Variants in BAHD1 observed in about 807,000 individuals in gnomAD.
The protein encoded by BAHD1 is bromo adjacent homology domain containing 1.
BAHD1 carries 20 observed loss-of-function variants against 63.1 expected under a neutral mutation model. The observed-to-expected ratio is 0.32, with a 90% CI of 0.22 to 0.46. BAHD1 has a LOEUF of 0.46. BAHD1 is among the 20% of genes least tolerant of loss of function. The probability of loss-of-function intolerance (pLI) is 1.00; values close to 1 mark genes in which losing one functional copy is unlikely to be tolerated. For synonymous variants in BAHD1, 408 were observed against 426.8 expected (o/e 0.96, Z 0.54); for missense variants, 939 against 1,071.8 (o/e 0.88, Z 1.73).
At chr15:40,453,629 G>A (rs1476153688) in intron 1 of BAHD1, 1 of 152,122 alleles carries the variant, frequency 6.6e-6, no homozygotes, top group African/African-American at 2.4e-5. Flanking sequence ...CCTTATCTAA[G>A]GCTCCCCTGA....
At chr15:40,449,653 T>C (rs1480160445) in intron 1 of BAHD1, among the ~76,000 whole-genome samples, 2 of 150,838 alleles carry the variant, frequency 1.3e-5, no homozygotes, top group African/African-American at 4.9e-5. Flanking sequence ...AAAAATAAAT[T>C]TAAAAATTAG....
chr15:40,459,493 T>A lies in BAHD1; in HGVS notation c.1029T>A (p.His343Gln). 3 of 1,613,880 alleles carry A rather than the reference T, an allele frequency of 1.9e-6. No homozygotes were observed. The highest frequency in any genetic ancestry group is 2.5e-6 in the Non-Finnish European group (3 of 1,179,992). The change falls in exon 2 of 7, where the codon CAT becomes CAA. Residue 343 changes from histidine to glutamine, a missense_variant. His to Gln is a conservative substitution (Grantham distance 24). Transcript: ENST00000416165. Reference sequence around the variant, plus strand: ...CACCTGCCCCTAAGCAGGAACTGCATCAGCCCTCTTTCCCCACACCTCAGC... The same window carrying A: ...CACCTGCCCCTAAGCAGGAACTGCAACAGCCCTCTTTCCCCACACCTCAGC... ...EESPAPKQEL[H>Q]QPSFPTPQLS...
At chr15:40,442,872 G>C (rs1055876268) in intron 1 of BAHD1, among the ~76,000 whole-genome samples, 27 of 152,156 alleles carry the variant, frequency 1.8e-4, no homozygotes, top group African/African-American at 6.5e-4. Flanking sequence ...AAAGGGCCCA[G>C]AGGGACCACA....
intron 1 of BAHD1, among the ~76,000 whole-genome samples, chr15:40,447,215 T>C (rs1893563742): frequency 6.6e-6 from 1 of 152,134 alleles, no homozygotes; most frequent in Non-Finnish European, 1.5e-5. Flanking sequence ...GTGAGGGGTG[T>C]CTCCTGCTTT....
upstream of BAHD1, among the ~76,000 whole-genome samples, chr15:40,438,319 C>G (rs887604379): frequency 2.6e-5 from 4 of 152,148 alleles, no homozygotes; most frequent in Admixed American, 6.5e-5. Flanking sequence ...CTAGGAGAGG[C>G]CAAAAGTTCC....
In BAHD1 at chr15:40,466,259, G is replaced by A; in HGVS notation, c.*129G>A. The A allele has an allele frequency of 1.2e-6, 1 of 826,080 alleles. No homozygotes were observed. Among genetic ancestry groups the A allele is most frequent in the Non-Finnish European group, 1.8e-6 (1 of 560,834 alleles). 51.2% of individuals were successfully genotyped at this position (826,080 alleles called of 1,614,324 possible). ...TTTGCTGGCCTGTGGTTTTCTTGGG[G>A]GGGAGGGCAGGGGCCCCTGTGGGTT... On this transcript the variant is annotated 3_prime_UTR_variant, in exon 7 of 7. Transcript: ENST00000416165.
At chr15:40,441,749 C>T (rs999775149) in intron 1 of BAHD1, among the ~76,000 whole-genome samples, 4 of 150,030 alleles carry the variant, frequency 2.7e-5, no homozygotes, top group African/African-American at 9.7e-5. Context: ...TCGCGGTCCC[C>T]GAGGCAAGGG....
chr15:40,457,437 C>T (rs554108463), intron 1 of BAHD1, among the ~76,000 whole-genome samples: 1 of 152,156 alleles, frequency 6.6e-6, no homozygotes, highest in East Asian at 1.9e-4. Context: ...ACCTCTCCAC[C>T]ATGGGCCCCT....
At position 40,458,362 on chromosome 15, in the gene BAHD1, C is replaced by G; in HGVS notation, c.-14-89C>G. 6.7e-7 allele frequency: 1 copy of G among 1,488,362 alleles called. No individual in the cohort carries two copies. The highest frequency in any genetic ancestry group is 8.9e-7 in the Non-Finnish European group (1 of 1,118,114). The allele number at this position is 1,488,362 out of a possible 1,614,324, so 92.2% of individuals were successfully genotyped here. A position where few individuals can be genotyped will look rare whatever the true frequency, so the allele number is the denominator to read the frequency against. The stretch of plus-strand genomic sequence containing the variant: ...GTAGTTGTAGGCCAGGATCACTGCA[C>G]CTGGGGCTGGGTAGGCTGCAGTGGG... On this transcript the variant is annotated intron_variant, in intron 1 of 6. Coordinates refer to ENST00000416165, the MANE Select transcript of BAHD1 (RefSeq NM_014952.5). This position sits in a 1 kb window ranked among gnomAD's most constrained non-coding sequence, Gnocchi z 4.7.
chr15:40,462,224 G>C lies in BAHD1; in HGVS notation c.1745G>C (p.Arg582Pro). 6.2e-7 allele frequency: 1 copy of C among 1,611,260 alleles called. No homozygotes were observed. Among genetic ancestry groups the C allele is most frequent in the South Asian group, 1.1e-5 (1 of 90,930 alleles). ...CGTGTCCAGCGCCCACGCCCTCGCC[G>C]CCGCCGTCGCCGCCGCACTAATGGC... ...QPRVQRPRPR[R>P]RRRRRTNGWV... Residue 582 changes from arginine to proline, a missense_variant, in exon 3 of 7, where the codon CGC becomes CCC. Physicochemically the swap from Arg to Pro is moderately radical, Grantham distance 103. Coordinates refer to ENST00000416165, the MANE Select transcript of BAHD1 (RefSeq NM_014952.5).
At chr15:40,445,378 A>C (rs1032700082) in intron 1 of BAHD1, among the ~76,000 whole-genome samples, 1 of 152,136 alleles carries the variant, frequency 6.6e-6, no homozygotes, top group Admixed American at 6.5e-5. Context: ...GCCTCCTAGC[A>C]TACATACTTC....
In BAHD1 at chr15:40,462,094, G is replaced by T. The variant is rs1169311294; in HGVS notation, c.1615G>T (p.Ala539Ser). 3 of 1,613,238 alleles carry T rather than the reference G, an allele frequency of 1.9e-6. No individual in the cohort carries two copies. The highest frequency in any genetic ancestry group is 4.5e-5 in the East Asian group (2 of 44,874). Residue 539 changes from alanine (A) to serine (S), a missense_variant, in exon 3 of 7, where the codon GCC becomes TCC. Ala to Ser is a moderately conservative substitution (Grantham distance 99). Coordinates refer to ENST00000416165, the MANE Select transcript of BAHD1 (RefSeq NM_014952.5). ...QTVARACPQS[A>S]KPPSGSKSGL... ...AGTAGCCCGTGCGTGCCCTCAGAGCGCCAAACCTCCCAGCGGTTCTAAGTC... is the reference window on the plus strand; with the variant it reads ...AGTAGCCCGTGCGTGCCCTCAGAGCTCCAAACCTCCCAGCGGTTCTAAGTC...
In BAHD1 at chr15:40,465,123, A is replaced by G. The variant is rs984179831; in HGVS notation, c.2053-212A>G. On this transcript the variant is annotated intron_variant, in intron 5 of 6. Coordinates refer to ENST00000416165, the MANE Select transcript of BAHD1 (RefSeq NM_014952.5). ...GTGACAATCAGGGGCTAGAGCAGATACCTGGCTATTCTGGAGAAGGGGGGG... is the reference window on the plus strand; with the variant it reads ...GTGACAATCAGGGGCTAGAGCAGATGCCTGGCTATTCTGGAGAAGGGGGGG... 6.9e-6 allele frequency: 4 copies of G among 581,222 alleles called. No homozygotes were observed. The African/African-American group carries it at 7.5e-5, about 11-fold the overall frequency. 36.0% of individuals were successfully genotyped at this position (581,222 alleles called of 1,614,324 possible).
chr15:40,464,804 G>A, intron 5 of BAHD1: 1 of 511,072 alleles, frequency 2.0e-6, no homozygotes, highest in Non-Finnish European at 3.5e-6. Flanking sequence ...GGTAGCAGGT[G>A]CCAATGGGAG....
rs374161184 is a variant in BAHD1, at chr15:40,459,042, C to T, written c.578C>T (p.Pro193Leu). The T allele has an allele frequency of 1.1e-4, 172 of 1,604,986 alleles. 2 individuals are homozygous for T. In the Middle Eastern group the frequency reaches 6.3e-3, roughly 59 times the overall value. ...LSPEPAPDEGPRRDGDPAPKR... is the reference protein window; with the variant it reads ...LSPEPAPDEGLRRDGDPAPKR... ...CCAGAGCCAGCACCCGATGAAGGTC[C>T]CCGCCGAGATGGAGACCCAGCTCCC... Residue 193 changes from proline to leucine, a missense_variant, in exon 2 of 7, where the codon CCC (proline) becomes CTC (leucine). This residue lies in a region of BAHD1 where 797 missense variants were observed against 813.3 expected (regional missense o/e 0.98). Coordinates refer to ENST00000416165, the MANE Select transcript of BAHD1 (RefSeq NM_014952.5).
chr15:40,464,115 G>C lies in BAHD1; in HGVS notation c.1975+95G>C, dbSNP rs1050623447. 3 of 1,391,212 alleles carry C rather than the reference G, an allele frequency of 2.2e-6. No individual in the cohort carries two copies. In the African/African-American group the frequency reaches 4.3e-5, roughly 20 times the overall value. The allele number at this position is 1,391,212 out of a possible 1,614,324, so 86.2% of individuals were successfully genotyped here. ...CCCTGCCTGGAGTTTGACCTGGCGT[G>C]AGTCTCCCCGTGTTCCTGGCACAGA... On this transcript the variant is annotated intron_variant, in intron 4 of 6. Coordinates refer to ENST00000416165, the MANE Select transcript of BAHD1 (RefSeq NM_014952.5).
At chr15:40,464,850 A>G (rs1017409854) in intron 5 of BAHD1, 2 of 455,758 alleles carry the variant, frequency 4.4e-6, no homozygotes, top group Non-Finnish European at 8.0e-6. Flanking sequence ...AGGAAAGGTG[A>G]GGTGGAGCTG....
intron 1 of BAHD1, among the ~76,000 whole-genome samples, chr15:40,446,981 TCTGGTTAC>T (rs1202807027): frequency 2.0e-5 from 3 of 152,070 alleles, no homozygotes; most frequent in Non-Finnish European, 2.9e-5. Flanking sequence ...CTTTTCCAAC[TCTGGTTAC>T]CTGTCCACAA....
upstream of BAHD1, among the ~76,000 whole-genome samples, chr15:40,437,470 A>G (rs899434150): frequency 1.3e-5 from 2 of 152,204 alleles, no homozygotes; most frequent in Non-Finnish European, 2.9e-5. Flanking sequence ...GGGGCTTCCT[A>G]TGATGGGGGA....
Sources: gnomAD v4.1 joint callset for allele counts (sites outside exome capture counted in the v4.1 genomes callset) on GRCh38, gnomAD v4.1.1 for gene constraint, gnomAD v4.1.1 regional missense constraint, Gnocchi (gnomAD v3.1) non-coding constraint, MANE v1.5 for transcripts, NCBI Gene and HGNC (gene_info 2026-07-23, HGNC 2026-07-21) for gene names.